Variants in TANC1 observed in about 807,000 individuals in gnomAD.
TANC1 encodes tetratricopeptide repeat, ankyrin repeat and coiled-coil containing 1.
Under a neutral mutation model 149.7 loss-of-function variants are expected in TANC1, and 77 were observed. The ratio of observed to expected loss-of-function variants is 0.51; its 90% CI spans 0.43 to 0.62. TANC1 has a LOEUF of 0.62. TANC1 is among the 20% of genes least tolerant of loss of function. The probability of loss-of-function intolerance (pLI) is 0.00; values close to 1 mark genes in which losing one functional copy is unlikely to be tolerated. For synonymous variants in TANC1, 854 were observed against 925.0 expected, an observed-to-expected ratio of 0.92 and a Z score of 1.39; for missense variants, 1,985 against 2,321.8, an observed-to-expected ratio of 0.85 and a Z score of 2.98.
intron 4 of TANC1, among the ~76,000 whole-genome samples, chr2:159,099,595 G>A (rs78120499): frequency 0.033 from 4,975 of 151,850 alleles, 218 homozygotes; most frequent in African/African-American, 0.1. Context: ...GTGTGTGTGC[G>A]CACACATTTT....
intron 17 of TANC1, among the ~76,000 whole-genome samples, chr2:159,194,876 G>C (rs2057736347): frequency 6.6e-6 from 1 of 152,160 alleles, no homozygotes; most frequent in East Asian, 1.9e-4. Flanking sequence ...TTTTAAAACA[G>C]TAGGATGAGT....
At chr2:159,192,549 T>A (rs1382512438) in intron 16 of TANC1, among the ~76,000 whole-genome samples, 1 of 152,248 alleles carries the variant, frequency 6.6e-6, no homozygotes, top group Non-Finnish European at 1.5e-5. Context: ...AGTGTCAATA[T>A]CAACGAGGAA....
intron 4 of TANC1, among the ~76,000 whole-genome samples, chr2:159,105,236 C>T (rs929508621): frequency 3.3e-5 from 5 of 151,892 alleles, no homozygotes; most frequent in Admixed American, 2.6e-4. Flanking sequence ...TCCCATGATC[C>T]GCCCACCTCG....
At position 159,007,082 on chromosome 2, in the gene TANC1, A is replaced by G. The variant is rs76252939; in HGVS notation, c.-16+5893A>G. On this transcript the variant is annotated intron_variant, in intron 2 of 26. Coordinates refer to ENST00000263635, the MANE Select transcript of TANC1 (RefSeq NM_033394.3). ...AGACCACATATACAATGGTGGTCCC[A>G]TAAGTTTATATTGGAGCTGCCCTAT... 6.7e-3 allele frequency among the ~76,000 whole-genome samples: 1,017 copies of G among 151,922 alleles called. 5 individuals are homozygous for G. The highest frequency in any genetic ancestry group is 0.023 in the African/African-American group (950 of 41,434).
intron 8 of TANC1, 69 bp downstream of exon 8, chr2:159,163,615 A>G (rs2054275294): frequency 1.3e-6 from 2 of 1,512,612 alleles, no homozygotes; most frequent in Admixed American, 1.9e-5. Context: ...CACTGTCTTC[A>G]CATGGGAAGA....
rs1010452026 is a variant in TANC1, at chr2:159,231,225, T to C, written c.*213T>C. On this transcript the variant is annotated 3_prime_UTR_variant, in exon 27 of 27. Coordinates refer to ENST00000263635, the MANE Select transcript of TANC1 (RefSeq NM_033394.3). ...GAATGCTAAACAGAATTGAAAATTA[T>C]ATCAACTTAAAATTTTAAGACAGCC... The C allele has an allele frequency of 1.2e-5, 6 of 485,532 alleles. No homozygotes were observed. The highest frequency in any genetic ancestry group is 1.2e-4 in the African/African-American group (6 of 51,664). The allele number at this position is 485,532 out of a possible 1,614,324, so 30.1% of individuals were successfully genotyped here.
intron 1 of TANC1, among the ~76,000 whole-genome samples, chr2:158,979,980 G>T (rs377284665): frequency 3.9e-5 from 6 of 152,130 alleles, no homozygotes; most frequent in African/African-American, 1.4e-4. Flanking sequence ...CTTATTCAGG[G>T]GTTGGTGAAT....
At chr2:159,194,041 AG>A (rs2057668040) in intron 16 of TANC1, among the ~76,000 whole-genome samples, 1 of 151,996 alleles carries the variant, frequency 6.6e-6, no homozygotes, top group African/African-American at 2.4e-5. Context: ...TAATATTTTG[AG>A]GAACCATCTT....
chr2:159,104,513 A>G (rs13395120), intron 4 of TANC1, among the ~76,000 whole-genome samples: 963 of 95,436 alleles, frequency 0.01, 209 homozygotes, highest in African/African-American at 0.027. Context: ...ATATGTGATT[A>G]TCTCATATAA....
At chr2:159,076,162 T>C (rs1289433621) in intron 3 of TANC1, among the ~76,000 whole-genome samples, 1 of 152,188 alleles carries the variant, frequency 6.6e-6, no homozygotes, top group Non-Finnish European at 1.5e-5. Flanking sequence ...TGTGAGGGGC[T>C]TGTTAGTCTT....
intron 3 of TANC1, among the ~76,000 whole-genome samples, chr2:159,092,816 C>T (rs142700305): frequency 3.0e-4 from 45 of 152,272 alleles, no homozygotes; most frequent in Admixed American, 5.9e-4. Flanking sequence ...AGTGTGCTGA[C>T]GCCTTATGTA....
chr2:159,043,196 G>A (rs1025648592), intron 2 of TANC1, among the ~76,000 whole-genome samples: 2 of 152,112 alleles, frequency 1.3e-5, no homozygotes, highest in African/African-American at 4.8e-5. Context: ...GGGATTTTTG[G>A]GGAGGTCAGA....
At chr2:159,042,401 A>G (rs544788668) in intron 2 of TANC1, among the ~76,000 whole-genome samples, 66 of 152,292 alleles carry the variant, frequency 4.3e-4, no homozygotes, top group Admixed American at 1.2e-3. Flanking sequence ...CAGGACGTGT[A>G]GCAGTGAAAA....
chr2:159,125,109 T>A (rs1338623308), intron 4 of TANC1, among the ~76,000 whole-genome samples: 1 of 152,124 alleles, frequency 6.6e-6, no homozygotes, highest in Non-Finnish European at 1.5e-5. Flanking sequence ...AGCTAGAGAT[T>A]TCCTCCTTGT....
intron 4 of TANC1, among the ~76,000 whole-genome samples, chr2:159,116,451 C>T (rs929399047): frequency 6.1e-4 from 83 of 135,394 alleles, no homozygotes; most frequent in African/African-American, 2.2e-3. Flanking sequence ...ACAACAACAA[C>T]AACAAAAAAA....
At chr2:159,031,183 C>G (rs1363323114) in intron 2 of TANC1, among the ~76,000 whole-genome samples, 1 of 152,216 alleles carries the variant, frequency 6.6e-6, no homozygotes, top group East Asian at 1.9e-4. Flanking sequence ...GATACAAGGT[C>G]AGGGCCTGCC....
intron 19 of TANC1, among the ~76,000 whole-genome samples, chr2:159,216,315 T>G (rs1185945640): frequency 6.6e-6 from 1 of 152,124 alleles, no homozygotes; most frequent in Non-Finnish European, 1.5e-5. Context: ...ACTGGAAATA[T>G]ATAGGTTCGA....
chr2:159,110,273 A>C (rs1239586642), intron 4 of TANC1, among the ~76,000 whole-genome samples: 1 of 152,216 alleles, frequency 6.6e-6, no homozygotes, highest in Non-Finnish European at 1.5e-5. Context: ...AGGAAAAAGC[A>C]TAGTGTGTAT....
chr2:159,071,019 G>T (rs1255066834), intron 3 of TANC1, among the ~76,000 whole-genome samples: 1 of 152,110 alleles, frequency 6.6e-6, no homozygotes, highest in Non-Finnish European at 1.5e-5. Flanking sequence ...AAACCCTGGA[G>T]ATTTTGTCCT....
Sources: allele counts gnomAD v4.1 joint callset (sites outside exome capture counted in the v4.1 genomes callset), GRCh38; gene constraint gnomAD v4.1.1; transcripts MANE v1.5; gene names NCBI Gene and HGNC (gene_info 2026-07-23, HGNC 2026-07-21).